The following LGALS8 variants were observed in gnomAD, a reference collection of about 807,000 sequenced individuals.
The protein encoded by LGALS8 is galectin 8, also known as galectin-8.
A neutral mutation model predicts 35.9 loss-of-function variants in LGALS8; 30 were observed. That is an observed-to-expected ratio of 0.83 (90% CI 0.62 to 1.13). The LOEUF (loss-of-function observed/expected upper bound fraction) is 1.13. Among genes scored for constraint, LGALS8 ranks in the 50% most tolerant of loss-of-function variants. The pLI is 0.00. For synonymous variants in LGALS8, 138 were observed against 136.1 expected, an observed-to-expected ratio of 1.01 and a Z score of -0.10; for missense variants, 366 against 388.7, an observed-to-expected ratio of 0.94 and a Z score of 0.49.
upstream of LGALS8, among the ~76,000 whole-genome samples, chr1:236,522,779 A>C (rs1013932327): frequency 6.6e-6 from 1 of 152,220 alleles, no homozygotes; most frequent in African/African-American, 2.4e-5. Context: ...AGTGTATGTC[A>C]AGGGTAAATT....
chr1:236,531,949 C>T (rs953165332), intron 2 of LGALS8, among the ~76,000 whole-genome samples: 2 of 152,136 alleles, frequency 1.3e-5, no homozygotes, highest in Non-Finnish European at 2.9e-5. Context: ...AGGTCGCCTC[C>T]CAGTGGAGTC....
chr1:236,520,162 G>T (rs550622811), upstream of LGALS8, among the ~76,000 whole-genome samples: 26 of 151,744 alleles, frequency 1.7e-4, no homozygotes, highest in African/African-American at 6.3e-4. Context: ...TCACCATATT[G>T]GCCAGGCTGG....
At chr1:236,541,099 T>C (rs1263207738) in intron 5 of LGALS8, among the ~76,000 whole-genome samples, 1 of 152,250 alleles carries the variant, frequency 6.6e-6, no homozygotes, top group Non-Finnish European at 1.5e-5. Flanking sequence ...ACTGTATTTT[T>C]ACCATACCTT....
At position 236,543,657 on chromosome 1, in the gene LGALS8, C is replaced by G. The variant is rs377708883; in HGVS notation, c.638+9C>G. On this transcript the variant is annotated intron_variant, in intron 8 of 9. Coordinates refer to ENST00000366584, the MANE Select transcript of LGALS8 (RefSeq NM_201544.4). ...AATGCAAATGCCAAAAGGTCAGTAT[C>G]CTTCGGTACCAGTCACAGTGCAGAT... The G allele has an allele frequency of 2.5e-6, 4 of 1,599,100 alleles. No individual in the cohort carries two copies. In the African/African-American group the frequency reaches 5.4e-5, roughly 21 times the overall value.
intron 4 of LGALS8, chr1:236,540,286 A>C: frequency 3.2e-6 from 1 of 311,504 alleles, no homozygotes; most frequent in Non-Finnish European, 5.8e-6. Context: ...ACATGTATGC[A>C]GAGGCGCACA....
intron 9 of LGALS8, 32 bp from the exon 10 acceptor site, chr1:236,547,980 A>T: frequency 1.3e-6 from 2 of 1,585,532 alleles, no homozygotes; most frequent in Non-Finnish European, 1.7e-6. Flanking sequence ...AACTAAGGGG[A>T]ACCACTAATG....
chr1:236,551,806 C>G lies in LGALS8; in HGVS notation c.*3645C>G, dbSNP rs1662758915. The G allele has an allele frequency of 3.7e-6, 2 of 545,804 alleles. No homozygotes were observed. Among genetic ancestry groups the G allele is most frequent in the Non-Finnish European group, 6.5e-6 (2 of 307,098 alleles). 33.8% of individuals were successfully genotyped at this position (545,804 alleles called of 1,614,324 possible). On this transcript the variant is annotated 3_prime_UTR_variant, in exon 10 of 10. Transcript: ENST00000366584. ...TGATCAGGAGGTGGTCACTTCGCAA[C>G]TTGCTCCCTCCACCCAACTCAAAAC...
rs1163726008 is a variant in LGALS8, at chr1:236,526,729, A to G, written c.45+614A>G. Among the ~76,000 whole-genome samples the G allele has an allele frequency of 6.6e-6, 1 of 152,194 alleles. No individual in the cohort carries two copies. Among genetic ancestry groups the G allele is most frequent in the Non-Finnish European group, 1.5e-5 (1 of 68,028 alleles). On this transcript the variant is annotated intron_variant, in intron 2 of 9. Coordinates refer to ENST00000366584, the MANE Select transcript of LGALS8 (RefSeq NM_201544.4). This position sits in a 1 kb window ranked among gnomAD's most constrained non-coding sequence, Gnocchi z 4.6. ...GAATCTTTAGGAATGTCTAGTTTCC[A>G]CGTATCTGAAGCTGAATCCTGAATC...
rs1329020769 is a variant in LGALS8, at chr1:236,524,048, A to C, written c.-117A>C. 1 of 451,528 alleles carries C rather than the reference A, an allele frequency of 2.2e-6. No individual in the cohort carries two copies. 28.0% of individuals were successfully genotyped at this position (451,528 alleles called of 1,614,324 possible). A position where few individuals can be genotyped will look rare whatever the true frequency, so the allele number is the denominator to read the frequency against. On this transcript the variant is annotated 5_prime_UTR_variant, in exon 1 of 10. Coordinates refer to ENST00000366584, the MANE Select transcript of LGALS8 (RefSeq NM_201544.4). ...CAACCTGCTCCGTGGAGCGCCTGAA[A>C]CACCAGTCTTTGGGTGAGTCGCGCG...
At chr1:236,527,760 A>C (rs1660896422) in intron 2 of LGALS8, among the ~76,000 whole-genome samples, 1 of 151,328 alleles carries the variant, frequency 6.6e-6, no homozygotes, top group Non-Finnish European at 1.5e-5. Flanking sequence ...TTTGAGATAT[A>C]GTTTCCCTCT....
At chr1:236,546,643 G>T (rs1448299743) in intron 9 of LGALS8, among the ~76,000 whole-genome samples, 2 of 152,174 alleles carry the variant, frequency 1.3e-5, no homozygotes, top group Non-Finnish European at 2.9e-5. Context: ...GCAGTAGTCT[G>T]CTCACCCGGA....
At chr1:236,537,027 T>TTTGTTTTTTTTG (rs1206643322) in intron 2 of LGALS8, among the ~76,000 whole-genome samples, 8 of 141,596 alleles carry the variant, frequency 5.6e-5, no homozygotes, top group Admixed American at 2.1e-4. Context: ...GTTCCTTTTT[T>TTTGTTTTTTTTG]TTTTTTTGAG....
chr1:236,543,606 G>A lies in LGALS8; in HGVS notation c.596G>A (p.Arg199Gln), dbSNP rs765494178. The A allele has an allele frequency of 9.9e-6, 16 of 1,613,964 alleles. No homozygotes were observed. The highest frequency in any genetic ancestry group is 3.3e-5 in the Admixed American group (2 of 59,998). The change falls in exon 8 of 10, where the codon CGA becomes CAA. Residue 199 changes from arginine to glutamine, a missense_variant. By Grantham distance (43) the Arg-to-Gln change is conservative. Transcript: ENST00000366584. ...TTGAACACCCCCATGGGCCCTGGAC[G>A]AACTGTCGTCGTTAAAGGAGAAGTG... ...ARLNTPMGPG[R>Q]TVVVKGEVNA...
chr1:236,530,722 T>C (rs1166081149), intron 2 of LGALS8, among the ~76,000 whole-genome samples: 2 of 152,238 alleles, frequency 1.3e-5, no homozygotes, highest in Non-Finnish European at 2.9e-5. Flanking sequence ...TAGCACCCAA[T>C]AGTTGGAAGA....
intron 9 of LGALS8, 57 bp downstream of exon 9, chr1:236,544,972 G>A (rs1662273383): frequency 9.6e-6 from 13 of 1,357,196 alleles, no homozygotes; most frequent in Non-Finnish European, 1.0e-6. Context: ...AGCAGGGGTG[G>A]GATAAGTGGT....
In LGALS8 at chr1:236,543,619, T is replaced by TAAAGGAG; in HGVS notation, c.612_618dup (p.Val207ArgfsTer11). 1.2e-6 allele frequency: 2 copies of TAAAGGAG among 1,614,022 alleles called. No individual in the cohort carries two copies. Among genetic ancestry groups the TAAAGGAG allele is most frequent in the Non-Finnish European group, 1.7e-6 (2 of 1,179,904 alleles). ...TGGGCCCTGGACGAACTGTCGTCGT[T>TAAAGGAG]AAAGGAGAAGTGAATGCAAATGCCA... On this transcript the variant is annotated frameshift_variant, in exon 8 of 10. Coordinates refer to ENST00000366584, the MANE Select transcript of LGALS8 (RefSeq NM_201544.4). LOFTEE classifies it high-confidence loss of function.
chr1:236,547,228 C>T (rs990205842), intron 9 of LGALS8, among the ~76,000 whole-genome samples: 2 of 152,090 alleles, frequency 1.3e-5, no homozygotes, highest in East Asian at 1.9e-4. Context: ...GCACTGGCAG[C>T]GTGGCACCAG....
Position 236,538,101 on chromosome 1 carries a change from A to AAG in LGALS8, c.134+517_134+518insGA, listed in dbSNP as rs1553277100. On this transcript the variant is annotated intron_variant, in intron 3 of 9. Transcript: ENST00000366584. ...GCCTGGGTGACAAAAAAAAAAAAGA[A>AAG]AAAGAAAAAGAATTAGGTATGTCAT... 4.9e-4 allele frequency among the ~76,000 whole-genome samples: 47 copies of AAG among 96,088 alleles called. 1 individual carries two copies. In the East Asian group the frequency reaches 8.2e-3, roughly 17 times the overall value. 63.0% of individuals were successfully genotyped at this position (96,088 alleles called of 152,430 possible). A position where few individuals can be genotyped will look rare whatever the true frequency, so the allele number is the denominator to read the frequency against.
Position 236,543,644 on chromosome 1 carries a change from A to G in LGALS8, c.634A>G (p.Lys212Glu), listed in dbSNP as rs1169827470. ...VVKGEVNANA[K>E]SFNVDLLAGK... ...TAAAGGAGAAGTGAATGCAAATGCC[A>G]AAAGGTCAGTATCCTTCGGTACCAG... is the stretch of plus-strand genomic sequence containing the variant. Residue 212 changes from lysine to glutamate, a missense_variant, in exon 8 of 10, where the codon AAA becomes GAA. Coordinates refer to ENST00000366584, the MANE Select transcript of LGALS8 (RefSeq NM_201544.4). The G allele has an allele frequency of 6.2e-7, 1 of 1,611,772 alleles. No individual in the cohort carries two copies. The highest frequency in any genetic ancestry group is 2.2e-5 in the East Asian group (1 of 44,858).
Sources: gnomAD v4.1 joint callset for allele counts (sites outside exome capture counted in the v4.1 genomes callset) on GRCh38, gnomAD v4.1.1 for gene constraint, Gnocchi (gnomAD v3.1) non-coding constraint, MANE v1.5 for transcripts, NCBI Gene and HGNC (gene_info 2026-07-23, HGNC 2026-07-21) for gene names.